SIGLEC9: variants seen among roughly 807,000 people sequenced by gnomAD.
SIGLEC9 encodes sialic acid-binding Ig-like lectin 9.
Under a neutral mutation model 38.3 loss-of-function variants are expected in SIGLEC9, and 26 were observed. The ratio of observed to expected loss-of-function variants is 0.68; its 90% CI spans 0.50 to 0.94. The LOEUF is 0.94. SIGLEC9 is among the 40% of genes least tolerant of loss of function. The pLI is 0.00. For missense variants in SIGLEC9, 556 were observed against 585.7 expected (o/e 0.95, Z 0.52); for synonymous variants, 236 against 248.0 (o/e 0.95, Z 0.45).
upstream of SIGLEC9, among the ~76,000 whole-genome samples, chr19:51,122,379 A>G (rs273682): frequency 0.13 from 19,545 of 152,046 alleles, 4,234 homozygotes; most frequent in African/African-American, 0.45. The surrounding 1 kb of genome is among the most constrained non-coding windows in gnomAD (Gnocchi z 4.1). Context: ...TCAGGAGTTC[A>G]AGACCAGCCT....
At chr19:51,128,288 T>C in intron 5 of SIGLEC9, 126 bp from the exon 6 acceptor site, 2 of 1,166,040 alleles carry the variant, frequency 1.7e-6, no homozygotes, top group Non-Finnish European at 1.3e-6. Flanking sequence ...TCTCTAAGAC[T>C]GGACCACTGC....
intron 6 of SIGLEC9, among the ~76,000 whole-genome samples, chr19:51,129,416 C>T (rs1288871412): frequency 1.3e-5 from 2 of 152,008 alleles, no homozygotes; most frequent in African/African-American, 2.4e-5. Context: ...ACCTTGGCTT[C>T]CCGAAGTGCT....
upstream of SIGLEC9, among the ~76,000 whole-genome samples, chr19:51,124,696 G>T (rs2091964091): frequency 6.6e-6 from 1 of 152,118 alleles, no homozygotes; most frequent in South Asian, 2.1e-4. Flanking sequence ...CAGGAGGTGG[G>T]GTGGGCCCTG....
upstream of SIGLEC9, chr19:51,119,942 CCTT>C (rs2091947422): frequency 5.8e-6 from 1 of 171,888 alleles, no homozygotes; most frequent in African/African-American, 2.4e-5. Flanking sequence ...CTGAGCCTCT[CCTT>C]CTCTCCCCAG....
chr19:51,123,224 C>T (rs1198190988), upstream of SIGLEC9, among the ~76,000 whole-genome samples: 1 of 152,172 alleles, frequency 6.6e-6, no homozygotes, highest in Non-Finnish European at 1.5e-5. Context: ...CAGGCCTGCT[C>T]TTTTCTAGGG....
chr19:51,130,116 G>A lies in SIGLEC9; in HGVS notation c.*37G>A. 2.6e-6 allele frequency: 4 copies of A among 1,560,228 alleles called. No homozygotes were observed. In the South Asian group the frequency reaches 3.6e-5, roughly 14 times the overall value. The stretch of plus-strand genomic sequence containing the variant: ...GACTCACCCTGATTGAGGGATCACA[G>A]CCCCTCCAGGCAAGGGAGAAGTCAG... On this transcript the variant is annotated 3_prime_UTR_variant, in exon 7 of 7. Coordinates refer to ENST00000250360, the MANE Select transcript of SIGLEC9 (RefSeq NM_014441.3).
Position 51,130,106 on chromosome 19 carries a change from A to C in SIGLEC9, c.*27A>C. The C allele has an allele frequency of 6.3e-7, 1 of 1,580,816 alleles. No homozygotes were observed. ...AAACTGCAGAGACTCACCCTGATTG[A>C]GGGATCACAGCCCCTCCAGGCAAGG... On this transcript the variant is annotated 3_prime_UTR_variant, in exon 7 of 7. Coordinates refer to ENST00000250360, the MANE Select transcript of SIGLEC9 (RefSeq NM_014441.3).
chr19:51,124,789 T>C, upstream of SIGLEC9: 1 of 703,520 alleles, frequency 1.4e-6, no homozygotes. Flanking sequence ...GGACGGTGGA[T>C]CTCCCAGGGC....
chr19:51,131,066 T>C (rs2092012611), downstream of SIGLEC9, among the ~76,000 whole-genome samples: 1 of 152,102 alleles, frequency 6.6e-6, no homozygotes, highest in African/African-American at 2.4e-5. Context: ...GAGAAACGTT[T>C]CCAAAGGGGC....
At chr19:51,121,735 T>C (rs770064303), upstream of SIGLEC9, among the ~76,000 whole-genome samples, 7 of 151,984 alleles carry the variant, frequency 4.6e-5, no homozygotes, top group African/African-American at 7.3e-5. Flanking sequence ...TACAGGAGCA[T>C]GCCACCATGC....
intron 3 of SIGLEC9, 40 bp downstream of exon 3, chr19:51,126,168 C>T: frequency 1.3e-6 from 2 of 1,580,752 alleles, no homozygotes; most frequent in Non-Finnish European, 1.7e-6. Context: ...AGGAGCAGGG[C>T]CTTCAGGTCA....
downstream of SIGLEC9, among the ~76,000 whole-genome samples, chr19:51,130,669 C>T (rs2092010332): frequency 6.6e-6 from 1 of 152,212 alleles, no homozygotes; most frequent in South Asian, 2.1e-4. Flanking sequence ...CTGCAGTCTA[C>T]GTATTGTGCA....
At chr19:51,127,375 C>T in intron 4 of SIGLEC9, 79 bp downstream of exon 4, 3 of 1,433,520 alleles carry the variant, frequency 2.1e-6, no homozygotes, top group Non-Finnish European at 2.8e-6. Context: ...TGAGCGTGGA[C>T]CTTCAGAGAG....
upstream of SIGLEC9, among the ~76,000 whole-genome samples, chr19:51,123,642 G>A (rs548348310): frequency 3.5e-4 from 54 of 152,326 alleles, no homozygotes; most frequent in African/African-American, 1.3e-3. Context: ...GAAGTGGGGT[G>A]TGGCTGACAG....
intron 3 of SIGLEC9, among the ~76,000 whole-genome samples, chr19:51,126,466 C>G (rs528753117): frequency 2.6e-5 from 4 of 152,220 alleles, no homozygotes; most frequent in Non-Finnish European, 5.9e-5. Flanking sequence ...TACTTCTGGA[C>G]AGGTGATAAA....
upstream of SIGLEC9, among the ~76,000 whole-genome samples, chr19:51,121,616 C>T (rs549814872): frequency 1.2e-4 from 14 of 117,136 alleles, no homozygotes; most frequent in Admixed American, 3.4e-4. Flanking sequence ...GATGAAGTTT[C>T]GCTCTTGTCG....
At chr19:51,129,366 A>C in intron 6 of SIGLEC9, among the ~76,000 whole-genome samples, 1 of 151,526 alleles carries the variant, frequency 6.6e-6, no homozygotes, top group South Asian at 2.1e-4. Context: ...TCACTGTGTT[A>C]GCCAGGATGG....
Position 51,130,155 on chromosome 19 carries a change from T to C in SIGLEC9, c.*76T>C, listed in dbSNP as rs2092007536. 6.6e-7 allele frequency: 1 copy of C among 1,515,748 alleles called. No homozygotes were observed. The highest frequency in any genetic ancestry group is 8.8e-7 in the Non-Finnish European group (1 of 1,133,342). 93.9% of individuals were successfully genotyped at this position (1,515,748 alleles called of 1,614,324 possible). On this transcript the variant is annotated 3_prime_UTR_variant, in exon 7 of 7. Coordinates refer to ENST00000250360, the MANE Select transcript of SIGLEC9 (RefSeq NM_014441.3). ...GGGAGAAGTCAGAGGCTGATTCTTGTAGAATTAACAGCCCTCAACGTGATG... is the reference window on the plus strand; with the variant it reads ...GGGAGAAGTCAGAGGCTGATTCTTGCAGAATTAACAGCCCTCAACGTGATG...
chr19:51,125,388 T>C lies in SIGLEC9; in HGVS notation c.414T>C (p.Asn138=), dbSNP rs749077821. The C allele has an allele frequency of 1.3e-6, 2 of 1,580,784 alleles. No homozygotes were observed. Among genetic ancestry groups the C allele is most frequent in the East Asian group, 4.5e-5 (2 of 44,704 alleles). Residue 138 remains asparagine (N), a synonymous_variant, in exon 1 of 7, where the codon AAT becomes AAC. Coordinates refer to ENST00000250360, the MANE Select transcript of SIGLEC9 (RefSeq NM_014441.3). ...WNYKHHRLSV[N]VTALTHRPNI... ...ATAAACATCACCGGCTCTCTGTGAA[T>C]GTGACAGGTAAGGCACAGGCTCCAG...
Sources: gnomAD v4.1 joint callset for allele counts (sites outside exome capture counted in the v4.1 genomes callset) on GRCh38, gnomAD v4.1.1 for gene constraint, Gnocchi (gnomAD v3.1) non-coding constraint, MANE v1.5 for transcripts, NCBI Gene and HGNC (gene_info 2026-07-23, HGNC 2026-07-21) for gene names.